TBC1D5: variants seen among roughly 807,000 people sequenced by gnomAD.
TBC1D5 encodes TBC1 domain family, member 5.
Under a neutral mutation model 100.3 loss-of-function variants are expected in TBC1D5, and 75 were observed. That is an observed-to-expected ratio of 0.75 (90% CI 0.62 to 0.91). The LOEUF (loss-of-function observed/expected upper bound fraction) is 0.91, where lower values mean the gene tolerates loss of function less well. Ranked by LOEUF, TBC1D5 falls within the 40% of genes least tolerant of loss-of-function variation. The probability of loss-of-function intolerance (pLI) is 0.00; values close to 1 mark genes in which losing one functional copy is unlikely to be tolerated. For synonymous variants in TBC1D5, 323 were observed against 325.6 expected, an observed-to-expected ratio of 0.99 and a Z score of 0.09; for missense variants, 910 against 942.4, an observed-to-expected ratio of 0.97 and a Z score of 0.45.
At chr3:17,499,739 T>C (rs1300368774) in intron 3 of TBC1D5, among the ~76,000 whole-genome samples, 1 of 149,032 alleles carries the variant, frequency 6.7e-6, no homozygotes, top group Non-Finnish European at 1.5e-5. Flanking sequence ...TTTGGCCCCA[T>C]TAATGAATCA....
At chr3:17,541,896 C>T (rs2096361313) in intron 2 of TBC1D5, among the ~76,000 whole-genome samples, 1 of 152,214 alleles carries the variant, frequency 6.6e-6, no homozygotes, top group Non-Finnish European at 1.5e-5. Context: ...CCAAACCCTA[C>T]ACACACTATG....
At chr3:17,516,797 C>T (rs2095995101) in intron 2 of TBC1D5, among the ~76,000 whole-genome samples, 1 of 152,168 alleles carries the variant, frequency 6.6e-6, no homozygotes, top group Admixed American at 6.5e-5. Flanking sequence ...CTGGGAAATG[C>T]TTACTTATCT....
intron 13 of TBC1D5, among the ~76,000 whole-genome samples, chr3:17,316,364 A>G (rs2084699732): frequency 6.6e-6 from 1 of 152,214 alleles, no homozygotes; most frequent in Non-Finnish European, 1.5e-5. Context: ...ATTCATCAGT[A>G]GAGAGAAGTT....
chr3:17,166,421 A>C (rs1191659082), intron 21 of TBC1D5, among the ~76,000 whole-genome samples: 1 of 152,222 alleles, frequency 6.6e-6, no homozygotes, highest in Non-Finnish European at 1.5e-5. Flanking sequence ...AAAGGGGAAA[A>C]GAGGCATCAG....
chr3:17,610,711 G>A (rs547216957), intron 2 of TBC1D5, among the ~76,000 whole-genome samples: 8 of 152,060 alleles, frequency 5.3e-5, no homozygotes, highest in African/African-American at 7.2e-5. Flanking sequence ...GCAGAAAGTC[G>A]CTCCTTTAAA....
chr3:17,534,014 G>T (rs1468703191), intron 2 of TBC1D5, among the ~76,000 whole-genome samples: 1 of 152,042 alleles, frequency 6.6e-6, no homozygotes, highest in Non-Finnish European at 1.5e-5. Context: ...TCTGAAACCT[G>T]TCGTGATGTT....
At chr3:17,331,855 G>A (rs1424539198) in intron 13 of TBC1D5, among the ~76,000 whole-genome samples, 4 of 152,190 alleles carry the variant, frequency 2.6e-5, no homozygotes, top group Non-Finnish European at 5.9e-5. Flanking sequence ...ACAGCTTGAC[G>A]TGTTTGAGGA....
chr3:17,510,461 A>ATC (rs1234040482), intron 2 of TBC1D5, among the ~76,000 whole-genome samples: 1 of 152,076 alleles, frequency 6.6e-6, no homozygotes, highest in African/African-American at 2.4e-5. Context: ...CAGTAAGAAT[A>ATC]TCTAAAGCCA....
At chr3:17,596,618 G>A (rs1485203851) in intron 2 of TBC1D5, among the ~76,000 whole-genome samples, 2 of 145,728 alleles carry the variant, frequency 1.4e-5, no homozygotes, top group South Asian at 4.4e-4. Context: ...ACACCAGGTG[G>A]ATAATGGCTT....
intron 2 of TBC1D5, among the ~76,000 whole-genome samples, chr3:17,582,684 A>C (rs78183196): frequency 0.019 from 2,275 of 122,186 alleles, 33 homozygotes; most frequent in South Asian, 0.051. Context: ...GTATGCTATC[A>C]AAAAAAAAAA....
chr3:17,637,473 CATAA>C (rs1322832855), intron 1 of TBC1D5, among the ~76,000 whole-genome samples: 1 of 151,420 alleles, frequency 6.6e-6, no homozygotes, highest in Non-Finnish European at 1.5e-5. Flanking sequence ...AAAAAATCAC[CATAA>C]ATAAATATGA....
At chr3:17,259,750 A>G (rs537418762) in intron 15 of TBC1D5, among the ~76,000 whole-genome samples, 9 of 152,206 alleles carry the variant, frequency 5.9e-5, no homozygotes, top group Admixed American at 5.9e-4. Context: ...CTAAGGTTAA[A>G]CAGTTTGAAA....
chr3:17,596,634 C>G (rs1018830163), intron 2 of TBC1D5, among the ~76,000 whole-genome samples: 1 of 142,574 alleles, frequency 7.0e-6, no homozygotes, highest in African/African-American at 2.7e-5. Context: ...GGCTTGAACC[C>G]AGGAGGCGGA....
At chr3:17,364,418 G>A (rs191287851) in intron 13 of TBC1D5, among the ~76,000 whole-genome samples, 223 of 152,224 alleles carry the variant, frequency 1.5e-3, no homozygotes, top group African/African-American at 5.2e-3. Context: ...CAAACTCCTT[G>A]CTGTCACAGA....
intron 13 of TBC1D5, among the ~76,000 whole-genome samples, chr3:17,366,312 A>C (rs370020540): frequency 4.4e-4 from 67 of 152,150 alleles, no homozygotes; most frequent in African/African-American, 1.2e-3. Flanking sequence ...ACAAAAAAAA[A>C]CAAAAAAACA....
chr3:17,469,134 G>A (rs2095343304), intron 3 of TBC1D5, among the ~76,000 whole-genome samples: 1 of 151,700 alleles, frequency 6.6e-6, no homozygotes, highest in Non-Finnish European at 1.5e-5. Flanking sequence ...TGATTTAGAA[G>A]GACTAGAATT....
chr3:17,584,004 A>C (rs1481230130), intron 2 of TBC1D5, among the ~76,000 whole-genome samples: 1 of 152,226 alleles, frequency 6.6e-6, no homozygotes, highest in Non-Finnish European at 1.5e-5. Context: ...GCATTCAGCC[A>C]AGAAAAGTAA....
intron 3 of TBC1D5, among the ~76,000 whole-genome samples, chr3:17,478,249 C>A (rs1042200361): frequency 2.6e-5 from 4 of 151,890 alleles, no homozygotes; most frequent in Admixed American, 2.0e-4. Flanking sequence ...CTTTTTTTGG[C>A]TGATTAACAT....
At chr3:17,456,464 A>G (rs995383160) in intron 3 of TBC1D5, among the ~76,000 whole-genome samples, 2 of 152,236 alleles carry the variant, frequency 1.3e-5, no homozygotes, top group Non-Finnish European at 2.9e-5. Flanking sequence ...AAAAAATTTA[A>G]CAATCTGATT....
Sources: allele counts gnomAD v4.1 joint callset (sites outside exome capture counted in the v4.1 genomes callset), GRCh38; gene constraint gnomAD v4.1.1; transcripts MANE v1.5; gene names NCBI Gene and HGNC (gene_info 2026-07-23, HGNC 2026-07-21).